FHIP1A: variants seen among roughly 807,000 people sequenced by gnomAD.
FHIP1A encodes FHF complex subunit HOOK-interacting protein 1A.
FHIP1A carries 61 observed loss-of-function variants against 88.6 expected under a neutral mutation model. The observed-to-expected ratio is 0.69, with a 90% CI of 0.56 to 0.85. The LOEUF (loss-of-function observed/expected upper bound fraction) is 0.85. Ranked by LOEUF, FHIP1A falls within the 40% of genes least tolerant of loss-of-function variation. FHIP1A has a pLI of 0.00. For missense variants in FHIP1A, 1,154 were observed against 1,273.5 expected (o/e 0.91, Z 1.43); for synonymous variants, 478 against 496.0 (o/e 0.96, Z 0.48).
intron 13 of FHIP1A, among the ~76,000 whole-genome samples, chr4:151,660,195 G>A (rs1024927953): frequency 2.0e-5 from 3 of 152,200 alleles, no homozygotes; most frequent in African/African-American, 7.2e-5. Context: ...AGGGGAGCCC[G>A]GGTCAATGTG....
At chr4:151,569,537 G>C (rs551637646) in intron 4 of FHIP1A, among the ~76,000 whole-genome samples, 18 of 151,838 alleles carry the variant, frequency 1.2e-4, no homozygotes, top group Non-Finnish European at 2.2e-4. Context: ...GGGTGACAGA[G>C]CAAGACAATG....
chr4:151,450,747 G>T (rs1031862638), intron 1 of FHIP1A, among the ~76,000 whole-genome samples: 3 of 151,664 alleles, frequency 2.0e-5, no homozygotes, highest in South Asian at 2.1e-4. Flanking sequence ...TTTCAGTGGT[G>T]TTTTGATCTT....
chr4:151,571,973 C>T (rs1010745545), intron 4 of FHIP1A, among the ~76,000 whole-genome samples: 3 of 152,082 alleles, frequency 2.0e-5, no homozygotes, highest in South Asian at 2.1e-4. Flanking sequence ...TTTGGGAAGC[C>T]GAGGTGGGCG....
intron 1 of FHIP1A, among the ~76,000 whole-genome samples, chr4:151,414,545 T>C (rs1202299729): frequency 6.6e-6 from 1 of 152,238 alleles, no homozygotes; most frequent in Non-Finnish European, 1.5e-5. Context: ...GTCTGCAATG[T>C]TTAGAAGCTG....
intron 2 of FHIP1A, among the ~76,000 whole-genome samples, chr4:151,465,823 TC>T (rs1205653600): frequency 6.6e-6 from 1 of 152,088 alleles, no homozygotes; most frequent in Admixed American, 6.6e-5. Context: ...AAATTCAACA[TC>T]CCTTCATGTT....
intron 2 of FHIP1A, among the ~76,000 whole-genome samples, chr4:151,464,808 G>T (rs77960745): frequency 1.1e-4 from 17 of 152,236 alleles, no homozygotes; most frequent in South Asian, 8.3e-4. Flanking sequence ...GCACTTAAGA[G>T]ATTGGAGTGT....
At position 151,669,224 on chromosome 4, in the gene FHIP1A, T is replaced by C. The variant is rs993201723; in HGVS notation, c.*6470T>C. Among the ~76,000 whole-genome samples the C allele has an allele frequency of 6.6e-6, 1 of 152,222 alleles. No individual in the cohort carries two copies. The highest frequency in any genetic ancestry group is 1.5e-5 in the Non-Finnish European group (1 of 68,050). ...CAGTGATGATATCAACTTACAAGGTTTGGCTTTCAGGATTTCAGAAGCTGG... is the reference window on the plus strand; with the variant it reads ...CAGTGATGATATCAACTTACAAGGTCTGGCTTTCAGGATTTCAGAAGCTGG... On this transcript the variant is annotated 3_prime_UTR_variant, in exon 14 of 14. Coordinates refer to ENST00000435205, the MANE Select transcript of FHIP1A (RefSeq NM_001109977.3).
chr4:151,465,746 C>T (rs1729287767), intron 2 of FHIP1A, among the ~76,000 whole-genome samples: 1 of 152,182 alleles, frequency 6.6e-6, no homozygotes, highest in South Asian at 2.1e-4. Flanking sequence ...AGTAACCCAT[C>T]ACATAAACAG....
chr4:151,549,434 T>C (rs1271858564), intron 3 of FHIP1A, among the ~76,000 whole-genome samples: 2 of 146,388 alleles, frequency 1.4e-5, no homozygotes, highest in African/African-American at 5.1e-5. Flanking sequence ...GAGGTTGCAG[T>C]GAGCCAAGAT....
intron 13 of FHIP1A, among the ~76,000 whole-genome samples, chr4:151,657,733 C>G (rs1737302157): frequency 6.6e-6 from 1 of 152,188 alleles, no homozygotes; most frequent in African/African-American, 2.4e-5. Flanking sequence ...GAGTAAGGCT[C>G]TCAGTCCTGG....
intron 3 of FHIP1A, among the ~76,000 whole-genome samples, chr4:151,511,452 G>A (rs564112224): frequency 3.3e-5 from 5 of 152,332 alleles, no homozygotes; most frequent in Admixed American, 2.0e-4. Flanking sequence ...TGGGTGCAGC[G>A]CACCGTGCGC....
intron 3 of FHIP1A, among the ~76,000 whole-genome samples, chr4:151,550,247 T>C (rs1159403173): frequency 6.6e-6 from 1 of 152,176 alleles, no homozygotes; most frequent in Non-Finnish European, 1.5e-5. Context: ...AACTATCCAA[T>C]TGTACTCTGA....
chr4:151,427,817 C>T (rs185275606), intron 1 of FHIP1A, among the ~76,000 whole-genome samples: 7 of 152,106 alleles, frequency 4.6e-5, no homozygotes, highest in Non-Finnish European at 1.0e-4. Context: ...TGAGTAAAAT[C>T]ATTGGCGATG....
chr4:151,625,308 C>A lies in FHIP1A; in HGVS notation c.979-4394C>A, dbSNP rs113304699. ...CAAAGGAAAAGCCAAGGAAGGGTGG[C>A]TTCTAATTTGGAGAGGGTGCCACCT... On this transcript the variant is annotated intron_variant, in intron 7 of 13. Transcript: ENST00000435205. Among the ~76,000 whole-genome samples, 12 of 152,252 alleles carry A rather than the reference C, an allele frequency of 7.9e-5. 1 individual carries two copies. The highest frequency in any genetic ancestry group is 2.6e-4 in the African/African-American group (11 of 41,542).
At chr4:151,547,832 TGAACCTGGGAGGTAGAGGTTGCAG>T (rs1308991288) in intron 3 of FHIP1A, among the ~76,000 whole-genome samples, 20 of 152,184 alleles carry the variant, frequency 1.3e-4, no homozygotes, top group African/African-American at 4.1e-4. Context: ...GAGAATCATT[TGAACCTGGGAGGTAGAGGTTGCAG>T]TGAGCCGAAA....
At chr4:151,540,546 A>T (rs1328187390) in intron 3 of FHIP1A, among the ~76,000 whole-genome samples, 1 of 152,216 alleles carries the variant, frequency 6.6e-6, no homozygotes, top group African/African-American at 2.4e-5. Flanking sequence ...TGCTTATTCA[A>T]TATAAAGTGA....
At chr4:151,598,479 C>G (rs1196015422) in intron 7 of FHIP1A, among the ~76,000 whole-genome samples, 1 of 152,130 alleles carries the variant, frequency 6.6e-6, no homozygotes, top group East Asian at 1.9e-4. Context: ...TCCTATTTTG[C>G]TATCTTGCCA....
intron 1 of FHIP1A, among the ~76,000 whole-genome samples, chr4:151,430,710 G>A (rs1733558460): frequency 6.6e-6 from 1 of 152,162 alleles, no homozygotes; most frequent in African/African-American, 2.4e-5. Flanking sequence ...CTTCCAGCAG[G>A]ATATTTGTCA....
chr4:151,443,870 A>T (rs1561497137), intron 1 of FHIP1A, among the ~76,000 whole-genome samples: 1 of 152,104 alleles, frequency 6.6e-6, no homozygotes, highest in Non-Finnish European at 1.5e-5. Context: ...CAGTTTCTTT[A>T]GAAATGAACC....
Sources: gnomAD v4.1 joint callset for allele counts (sites outside exome capture counted in the v4.1 genomes callset) on GRCh38, gnomAD v4.1.1 for gene constraint, MANE v1.5 for transcripts, NCBI Gene and HGNC (gene_info 2026-07-23, HGNC 2026-07-21) for gene names.